Variants in TBC1D8 observed in about 807,000 individuals in gnomAD.
The protein encoded by TBC1D8 is TBC1 domain family member 8, also known as BUB2-like protein 1.
TBC1D8 carries 65 observed loss-of-function variants against 118.8 expected under a neutral mutation model. That is an observed-to-expected ratio of 0.55 (90% CI 0.45 to 0.67). The LOEUF (loss-of-function observed/expected upper bound fraction) is 0.67. TBC1D8 is among the 30% of genes least tolerant of loss of function. The pLI is 0.00. For synonymous variants in TBC1D8, 566 were observed against 595.8 expected (o/e 0.95, Z 0.73); for missense variants, 1,376 against 1,471.2 (o/e 0.94, Z 1.06).
chr2:101,009,418 A>AG (rs946688000), intron 19 of TBC1D8, among the ~76,000 whole-genome samples: 16 of 152,068 alleles, frequency 1.1e-4, no homozygotes, highest in African/African-American at 3.9e-4. Flanking sequence ...AAAAAAAAAA[A>AG]AAAAAGAAAA....
At chr2:101,054,009 A>C (rs539731625) in intron 4 of TBC1D8, 99 bp downstream of exon 4, 4 of 1,077,548 alleles carry the variant, frequency 3.7e-6, no homozygotes, top group African/African-American at 3.2e-5. Context: ...CCATTTATTT[A>C]AATCTGTCCA....
chr2:101,012,309 T>C lies in TBC1D8; in HGVS notation c.2828-769A>G, dbSNP rs138993506. ...GCCAAAAAAACACCCAAATGTTGAA[T>C]AAATTGCTGAATAAACAAATCATGG... On this transcript the variant is annotated intron_variant, in intron 17 of 19. Coordinates refer to ENST00000409318, the MANE Select transcript of TBC1D8 (RefSeq NM_001330348.2). Among the ~76,000 whole-genome samples, 107 of 152,336 alleles carry C rather than the reference T, an allele frequency of 7.0e-4. 1 individual carries two copies. In the East Asian group the frequency reaches 0.019, roughly 27 times the overall value.
At chr2:101,089,178 C>T (rs1351800092) in intron 2 of TBC1D8, among the ~76,000 whole-genome samples, 1 of 152,140 alleles carries the variant, frequency 6.6e-6, no homozygotes, top group Admixed American at 6.5e-5. Flanking sequence ...CATAGTGAGA[C>T]TCCATCTCAA....
At chr2:101,070,739 C>T (rs1683268104) in intron 2 of TBC1D8, among the ~76,000 whole-genome samples, 1 of 152,164 alleles carries the variant, frequency 6.6e-6, no homozygotes, top group African/African-American at 2.4e-5. Context: ...AAGAAACCCT[C>T]ACCTATTCTG....
At chr2:101,083,054 T>A (rs372117119) in intron 2 of TBC1D8, among the ~76,000 whole-genome samples, 32 of 152,298 alleles carry the variant, frequency 2.1e-4, no homozygotes, top group East Asian at 1.2e-3. Flanking sequence ...GCCTGGAATA[T>A]CCCTGGCCTG....
At chr2:101,083,747 G>A (rs940006444) in intron 2 of TBC1D8, among the ~76,000 whole-genome samples, 1 of 152,152 alleles carries the variant, frequency 6.6e-6, no homozygotes, top group Non-Finnish European at 1.5e-5. Context: ...TTCCCACCTT[G>A]TCCTGGGGCT....
At chr2:101,139,324 A>C (rs1377620081) in intron 1 of TBC1D8, among the ~76,000 whole-genome samples, 1 of 106,118 alleles carries the variant, frequency 9.4e-6, no homozygotes, top group Non-Finnish European at 1.9e-5. Context: ...AACAAAAAAC[A>C]ACAAAAAAAA....
chr2:101,011,286 C>T (rs1401144752), intron 18 of TBC1D8, 165 bp downstream of exon 18: 2 of 755,538 alleles, frequency 2.6e-6, no homozygotes, highest in African/African-American at 3.5e-5. Context: ...AGCAACACCC[C>T]CACTAGGAGC....
At chr2:101,082,858 G>A (rs1434048074) in intron 2 of TBC1D8, among the ~76,000 whole-genome samples, 1 of 57,848 alleles carries the variant, frequency 1.7e-5, no homozygotes, top group Non-Finnish European at 3.9e-5. Flanking sequence ...TGGTGGTGAT[G>A]GTTGTACCAT....
At chr2:101,063,678 T>C (rs1682878730) in intron 2 of TBC1D8, among the ~76,000 whole-genome samples, 1 of 152,204 alleles carries the variant, frequency 6.6e-6, no homozygotes, top group African/African-American at 2.4e-5. Flanking sequence ...TCCTTTAATA[T>C]ATGTCACATA....
intron 1 of TBC1D8, among the ~76,000 whole-genome samples, chr2:101,143,362 C>T (rs1207800456): frequency 6.6e-6 from 1 of 152,076 alleles, no homozygotes; most frequent in Non-Finnish European, 1.5e-5. Context: ...CGCACAGACA[C>T]CTTTCCTTTT....
chr2:101,071,764 A>C (rs1012323837), intron 2 of TBC1D8, among the ~76,000 whole-genome samples: 8 of 152,216 alleles, frequency 5.3e-5, no homozygotes, highest in African/African-American at 1.7e-4. Context: ...ACTAAGTTCA[A>C]ATATGCATCC....
chr2:101,045,023 C>T (rs1213276781), intron 5 of TBC1D8, among the ~76,000 whole-genome samples: 1 of 151,938 alleles, frequency 6.6e-6, no homozygotes, highest in South Asian at 2.1e-4. Flanking sequence ...CTGGGATTAC[C>T]GCGCCCAGCC....
intron 1 of TBC1D8, among the ~76,000 whole-genome samples, chr2:101,147,831 C>T (rs992951412): frequency 1.3e-5 from 2 of 152,164 alleles, no homozygotes; most frequent in African/African-American, 4.8e-5. Flanking sequence ...ATGCTAACAT[C>T]TCCGGGCTCT....
At chr2:101,147,945 C>G (rs541990565) in intron 1 of TBC1D8, among the ~76,000 whole-genome samples, 1 of 152,058 alleles carries the variant, frequency 6.6e-6, no homozygotes, top group African/African-American at 2.4e-5. Flanking sequence ...ATATCACTTC[C>G]GCAAGCAGAA....
chr2:101,054,312 T>C lies in TBC1D8; in HGVS notation c.427A>G (p.Ser143Gly), dbSNP rs757862368. The C allele has an allele frequency of 6.4e-7, 1 of 1,570,198 alleles. No individual in the cohort carries two copies. Among genetic ancestry groups the C allele is most frequent in the East Asian group, 2.4e-5 (1 of 42,478 alleles). Residue 143 changes from serine (S) to glycine (G), a missense_variant, in exon 4 of 20, where the codon AGC becomes GGC. Physicochemically the swap from Ser to Gly is moderately conservative, Grantham distance 56. Transcript: ENST00000409318. ...TCCTCCTCCTGCTCGGCGAGCCTGCTGCTGGTCTCCTCGGCTATCAGAGCC... is the reference window on the plus strand; with the variant it reads ...TCCTCCTCCTGCTCGGCGAGCCTGCCGCTGGTCTCCTCGGCTATCAGAGCC... ...VKALIAEETS[S>G]RLAEQEEEPE...
chr2:101,037,702 G>A lies in TBC1D8; in HGVS notation c.1282C>T (p.Leu428Phe), dbSNP rs544707363. 1.1e-5 allele frequency: 18 copies of A among 1,612,952 alleles called. No individual in the cohort carries two copies. The highest frequency in any genetic ancestry group is 1.6e-4 in the Middle Eastern group (1 of 6,084). Reference protein sequence around the residue: ...DTSADDDMASLVFHSTSMCSD... With the variant: ...DTSADDDMASFVFHSTSMCSD... ...CACATGCTTGTTGAATGAAACACGA[G>A]TGAAGCCTGCACAGCAAGAGAGACA... Residue 428 changes from leucine to phenylalanine, a missense_variant, in exon 8 of 20, where the codon CTC (leucine) becomes TTC (phenylalanine). Physicochemically the swap from Leu to Phe is conservative, Grantham distance 22. Transcript: ENST00000409318.
chr2:101,142,700 T>G (rs747673554), intron 1 of TBC1D8, among the ~76,000 whole-genome samples: 1 of 152,092 alleles, frequency 6.6e-6, no homozygotes, highest in Non-Finnish European at 1.5e-5. Context: ...TGTAATAAAG[T>G]TACAAAAACA....
At chr2:101,009,564 G>A (rs969716651) in intron 19 of TBC1D8, among the ~76,000 whole-genome samples, 1 of 152,036 alleles carries the variant, frequency 6.6e-6, no homozygotes, top group African/African-American at 2.4e-5. Flanking sequence ...ATGTGTATCA[G>A]AATGTTAATA....
Sources: allele counts gnomAD v4.1 joint callset (sites outside exome capture counted in the v4.1 genomes callset), GRCh38; gene constraint gnomAD v4.1.1; transcripts MANE v1.5; gene names NCBI Gene and HGNC (gene_info 2026-07-23, HGNC 2026-07-21).